Variants in MCTP2 observed in about 807,000 individuals in gnomAD.
MCTP2 encodes multiple C2 and transmembrane domain-containing protein 2.
Under a neutral mutation model 111.6 loss-of-function variants are expected in MCTP2, and 132 were observed. The observed-to-expected ratio is 1.18, with a 90% CI of 1.03 to 1.37. The LOEUF is 1.37. Among genes scored for constraint, MCTP2 ranks in the 40% most tolerant of loss-of-function variants. The pLI is 0.00. For synonymous variants in MCTP2, 395 were observed against 387.7 expected, an observed-to-expected ratio of 1.02 and a Z score of -0.22; for missense variants, 1,183 against 1,067.9, an observed-to-expected ratio of 1.11 and a Z score of -1.50.
intron 3 of MCTP2, among the ~76,000 whole-genome samples, 189 bp from the exon 4 acceptor site, chr15:94,315,340 T>C (rs571844178): frequency 6.6e-6 from 1 of 152,312 alleles, no homozygotes; most frequent in East Asian, 1.9e-4. Flanking sequence ...AAAATCCCAC[T>C]GGGGAGAAAT....
At chr15:94,326,007 A>T (rs1295544639) in intron 4 of MCTP2, among the ~76,000 whole-genome samples, 1 of 151,548 alleles carries the variant, frequency 6.6e-6, no homozygotes, top group Admixed American at 6.6e-5. Context: ...TTTAGTAGTG[A>T]TGGGGGTTTC....
chr15:94,288,014 G>T (rs1485482216), intron 1 of MCTP2, among the ~76,000 whole-genome samples: 1 of 152,182 alleles, frequency 6.6e-6, no homozygotes, highest in East Asian at 1.9e-4. Flanking sequence ...TTGTGGTGGA[G>T]GCAGTGGCAG....
intron 1 of MCTP2, among the ~76,000 whole-genome samples, chr15:94,288,727 T>G (rs1380689145): frequency 3.9e-5 from 6 of 152,194 alleles, no homozygotes; most frequent in Non-Finnish European, 5.9e-5. Flanking sequence ...AATATGACTT[T>G]AAAGGAGCTA....
intron 20 of MCTP2, among the ~76,000 whole-genome samples, chr15:94,460,303 G>T (rs918123487): frequency 1.3e-5 from 2 of 152,162 alleles, no homozygotes; most frequent in Non-Finnish European, 2.9e-5. Context: ...TGATGAATGA[G>T]GGCTTCAGTA....
chr15:94,299,815 G>C (rs2075514218), intron 2 of MCTP2, among the ~76,000 whole-genome samples: 1 of 152,162 alleles, frequency 6.6e-6, no homozygotes. Context: ...CCATGTATCA[G>C]GGTTTCACCA....
chr15:94,381,638 G>A (rs77258708), intron 12 of MCTP2, among the ~76,000 whole-genome samples: 8,513 of 152,298 alleles, frequency 0.056, 314 homozygotes, highest in African/African-American at 0.082. Context: ...TCATGCTGGC[G>A]TCTCTGGAGG....
chr15:94,363,447 A>G (rs1268106373), intron 10 of MCTP2, among the ~76,000 whole-genome samples: 2 of 152,104 alleles, frequency 1.3e-5, no homozygotes, highest in Non-Finnish European at 2.9e-5. Flanking sequence ...AGTGGTAATT[A>G]ACAAGCAGAC....
chr15:94,315,558 T>A lies in MCTP2; in HGVS notation c.558T>A (p.Ser186Arg). ...SVPGEASDGLSNLPSPFAYLL... is the reference protein window; with the variant it reads ...SVPGEASDGLRNLPSPFAYLL... ...CGGGGGAAGCCAGTGATGGCTTGAG[T>A]AACCTCCCCAGCCCTTTTGCGTACC... Residue 186 changes from serine to arginine, a missense_variant, in exon 4 of 23, where the codon AGT becomes AGA. Physicochemically the swap from Ser to Arg is moderately radical, Grantham distance 110. Transcript: ENST00000357742. 6.2e-7 allele frequency: 1 copy of A among 1,614,100 alleles called. No homozygotes were observed. Among genetic ancestry groups the A allele is most frequent in the Non-Finnish European group, 8.5e-7 (1 of 1,179,988 alleles).
chr15:94,259,467 T>C (rs1307736910), intron 1 of MCTP2, among the ~76,000 whole-genome samples: 1 of 152,226 alleles, frequency 6.6e-6, no homozygotes, highest in Non-Finnish European at 1.5e-5. Context: ...GAAAGGATTT[T>C]GTTTGTAAGA....
intron 1 of MCTP2, among the ~76,000 whole-genome samples, chr15:94,284,546 A>G (rs1223486374): frequency 6.6e-6 from 1 of 152,248 alleles, no homozygotes; most frequent in African/African-American, 2.4e-5. Context: ...CGTGAAGGTA[A>G]TGCTGATTGA....
rs777630390 is a variant in MCTP2, at chr15:94,340,925, G to T, written c.969+1G>T. ...AAAACAGGGTGATTTCAAGAGACAC[G>T]TAAGTGGGACCTTCTATTCTTTTGA... On this transcript the variant is annotated splice_donor_variant, in intron 7 of 22. Transcript: ENST00000357742. LOFTEE classifies it high-confidence loss of function. The T allele has an allele frequency of 1.3e-6, 2 of 1,564,286 alleles. No homozygotes were observed. The highest frequency in any genetic ancestry group is 1.4e-5 in the African/African-American group (1 of 73,702).
chr15:94,345,184 C>G lies in MCTP2; in HGVS notation c.1005+20C>G. 6.2e-7 allele frequency: 1 copy of G among 1,605,534 alleles called. No homozygotes were observed. The highest frequency in any genetic ancestry group is 8.5e-7 in the Non-Finnish European group (1 of 1,174,614). On this transcript the variant is annotated intron_variant, in intron 8 of 22. Coordinates refer to ENST00000357742, the MANE Select transcript of MCTP2 (RefSeq NM_001385001.1). Reference sequence around the variant, plus strand: ...AGCAAGGTAAATATACTTTTTTTTCCTTTAGATCATTTGGTTAAAAACTTT... The same window carrying G: ...AGCAAGGTAAATATACTTTTTTTTCGTTTAGATCATTTGGTTAAAAACTTT...
At chr15:94,357,539 C>A (rs1385084838) in intron 9 of MCTP2, among the ~76,000 whole-genome samples, 1 of 148,334 alleles carries the variant, frequency 6.7e-6, no homozygotes, top group African/African-American at 2.5e-5. Context: ...TCTAACAGGG[C>A]TTTTCTTGTT....
At chr15:94,257,587 T>A in intron 1 of MCTP2, among the ~76,000 whole-genome samples, 1 of 101,306 alleles carries the variant, frequency 9.9e-6, no homozygotes, top group Non-Finnish European at 2.0e-5. Context: ...TTTTTTTTTT[T>A]TTTTTTTTTT....
intron 17 of MCTP2, among the ~76,000 whole-genome samples, chr15:94,430,577 C>CAAAAAAAAA (rs11289166): frequency 5.2e-5 from 5 of 96,682 alleles, no homozygotes; most frequent in East Asian, 2.9e-4. Flanking sequence ...ACTAAAAATA[C>CAAAAAAAAA]AAAAAAAAAA....
In MCTP2 at chr15:94,340,866, T is replaced by C. The variant is rs373796613; in HGVS notation, c.911T>C (p.Met304Thr). The change falls in exon 7 of 23, where the codon ATG (methionine) becomes ACG (threonine). Residue 304 changes from methionine (M) to threonine (T), a missense_variant. Physicochemically the swap from Met to Thr is moderately conservative, Grantham distance 81. Coordinates refer to ENST00000357742, the MANE Select transcript of MCTP2 (RefSeq NM_001385001.1). ...LEDPNSLEDD[M>T]GVIVLNLNLV... Reference sequence around the variant, plus strand: ...GATCCAAACAGTTTAGAAGATGACATGGGAGTGATCGTGTTAAATTTGAAC... The same window carrying C: ...GATCCAAACAGTTTAGAAGATGACACGGGAGTGATCGTGTTAAATTTGAAC... 4.5e-5 allele frequency: 73 copies of C among 1,613,174 alleles called. No individual in the cohort carries two copies. Among genetic ancestry groups the C allele is most frequent in the Admixed American group, 4.2e-4 (25 of 59,994 alleles).
intron 17 of MCTP2, among the ~76,000 whole-genome samples, chr15:94,415,768 A>T (rs2082345288): frequency 2.6e-5 from 4 of 152,040 alleles, no homozygotes; most frequent in Admixed American, 2.6e-4. Flanking sequence ...TGATACACAG[A>T]CACATTTGAA....
At chr15:94,364,060 T>A (rs543534286) in intron 10 of MCTP2, among the ~76,000 whole-genome samples, 1 of 93,966 alleles carries the variant, frequency 1.1e-5, no homozygotes, top group South Asian at 2.9e-4. Context: ...GTTAAAAAAA[T>A]TTACATTAAA....
Position 94,358,641 on chromosome 15 carries a change from G to C in MCTP2, c.1301+29G>C, listed in dbSNP as rs1353579132. On this transcript the variant is annotated intron_variant, in intron 10 of 22. Coordinates refer to ENST00000357742, the MANE Select transcript of MCTP2 (RefSeq NM_001385001.1). ...AGTCCCCTCTGCTTTCCAGTGGCGG[G>C]AGCATGTTTCTGCATGGGGCTGGTT... The C allele has an allele frequency of 3.1e-6, 5 of 1,611,106 alleles. No homozygotes were observed. The African/African-American group carries it at 4.0e-5, about 13-fold the overall frequency.
Sources: allele counts gnomAD v4.1 joint callset (sites outside exome capture counted in the v4.1 genomes callset), GRCh38; gene constraint gnomAD v4.1.1; transcripts MANE v1.5; gene names NCBI Gene and HGNC (gene_info 2026-07-23, HGNC 2026-07-21).